Variants in CPED1 observed in about 807,000 individuals in gnomAD.
CPED1 encodes the protein cadherin like and PC-esterase domain containing 1.
CPED1 carries 114 observed loss-of-function variants against 128.2 expected under a neutral mutation model. The observed-to-expected ratio is 0.89, with a 90% CI of 0.76 to 1.04. CPED1 has a LOEUF of 1.04. CPED1 is among the 50% of genes least tolerant of loss of function. CPED1 has a pLI of 0.00. For synonymous variants in CPED1, 462 were observed against 426.7 expected (o/e 1.08, Z -1.02); for missense variants, 1,211 against 1,207.1 (o/e 1.00, Z -0.05).
At chr7:121,278,574 C>A (rs1445665281) in intron 22 of CPED1, among the ~76,000 whole-genome samples, 4 of 152,106 alleles carry the variant, frequency 2.6e-5, no homozygotes, top group Non-Finnish European at 5.9e-5. Flanking sequence ...TAGTTTCAAA[C>A]AGTTCTTTCT....
At chr7:121,010,791 T>C (rs1195327790) in intron 2 of CPED1, among the ~76,000 whole-genome samples, 1 of 152,152 alleles carries the variant, frequency 6.6e-6, no homozygotes, top group African/African-American at 2.4e-5. Context: ...AGAAGTACAC[T>C]AAAGCTTCAT....
intron 5 of CPED1, among the ~76,000 whole-genome samples, chr7:121,095,890 G>A: frequency 6.6e-6 from 1 of 152,080 alleles, no homozygotes; most frequent in East Asian, 1.9e-4. Context: ...CAAGGTAAGA[G>A]GGAAATCAGA....
intron 16 of CPED1, among the ~76,000 whole-genome samples, chr7:121,236,134 A>C (rs552011914): frequency 2.6e-5 from 4 of 152,296 alleles, no homozygotes; most frequent in South Asian, 2.1e-4. Flanking sequence ...TCAGAGATGC[A>C]ATACACTATC....
intron 12 of CPED1, among the ~76,000 whole-genome samples, chr7:121,132,339 C>T (rs576636064): frequency 1.6e-4 from 25 of 152,124 alleles, no homozygotes; most frequent in South Asian, 6.2e-4. Context: ...CAGTACATCA[C>T]GCAGACAGGG....
intron 4 of CPED1, among the ~76,000 whole-genome samples, chr7:121,061,436 ATATT>A (rs1275598598): frequency 1.3e-5 from 2 of 152,232 alleles, no homozygotes; most frequent in East Asian, 1.9e-4. Context: ...AGATCTGTAT[ATATT>A]AAAAATGATA....
At chr7:121,276,380 AC>A (rs1351959437) in intron 22 of CPED1, among the ~76,000 whole-genome samples, 1 of 152,100 alleles carries the variant, frequency 6.6e-6, no homozygotes, top group Non-Finnish European at 1.5e-5. Context: ...TCTTTCTCCT[AC>A]ACTACATTCC....
At chr7:121,117,102 T>TATATAA (rs1795267542) in intron 7 of CPED1, among the ~76,000 whole-genome samples, 1 of 143,076 alleles carries the variant, frequency 7.0e-6, no homozygotes, top group Non-Finnish European at 1.5e-5. Context: ...TATATATAAA[T>TATATAA]ATATATATAT....
At chr7:121,065,236 C>G (rs2721374) in intron 5 of CPED1, among the ~76,000 whole-genome samples, 3 of 152,014 alleles carry the variant, frequency 2.0e-5, no homozygotes, top group African/African-American at 7.3e-5. Flanking sequence ...AAAATAATCT[C>G]AATTCAACTT....
chr7:121,247,616 A>T (rs768436142), intron 18 of CPED1, among the ~76,000 whole-genome samples: 2 of 152,130 alleles, frequency 1.3e-5, no homozygotes, highest in African/African-American at 2.4e-5. Flanking sequence ...TAGATGAGTG[A>T]AGGAACTGTG....
rs1294975360 is a variant in CPED1, at chr7:121,191,920, G to C, written c.2056-44794G>C. ...TAATCAAAGTGTTGTTTGATCTCTT[G>C]TCTAGGTGGCAGGAAACCAAAACAC... On this transcript the variant is annotated intron_variant, in intron 16 of 22. Coordinates refer to ENST00000310396, the MANE Select transcript of CPED1 (RefSeq NM_024913.5). Among the ~76,000 whole-genome samples the C allele has an allele frequency of 2.0e-5, 3 of 151,980 alleles. No individual in the cohort carries two copies. In the East Asian group the frequency reaches 5.8e-4, roughly 29 times the overall value.
intron 4 of CPED1, among the ~76,000 whole-genome samples, chr7:121,062,537 T>A (rs996622677): frequency 7.9e-5 from 12 of 152,220 alleles, no homozygotes; most frequent in African/African-American, 2.9e-4. Context: ...TGAAAGCCCT[T>A]CTTTTTCTAC....
At chr7:121,095,818 T>C (rs568276553) in intron 5 of CPED1, among the ~76,000 whole-genome samples, 1 of 152,278 alleles carries the variant, frequency 6.6e-6, no homozygotes, top group African/African-American at 2.4e-5. Context: ...AAACTTAATA[T>C]GTCTAGCTTC....
At chr7:120,990,734 T>C (rs912598788) in intron 2 of CPED1, among the ~76,000 whole-genome samples, 13 of 152,216 alleles carry the variant, frequency 8.5e-5, no homozygotes, top group African/African-American at 3.1e-4. Flanking sequence ...AATAGAGGGC[T>C]CTGTAAGTAG....
At chr7:121,210,729 G>C (rs1797624091) in intron 16 of CPED1, among the ~76,000 whole-genome samples, 1 of 151,846 alleles carries the variant, frequency 6.6e-6, no homozygotes, top group South Asian at 2.1e-4. Flanking sequence ...GAATGAATAA[G>C]ATCTAGTATT....
intron 2 of CPED1, among the ~76,000 whole-genome samples, chr7:121,009,093 AG>A (rs1266694853): frequency 1.3e-5 from 2 of 151,946 alleles, no homozygotes; most frequent in East Asian, 3.9e-4. Flanking sequence ...TATTATAACT[AG>A]TTGCTTATGT....
chr7:121,014,385 T>C (rs1792243857), intron 2 of CPED1, among the ~76,000 whole-genome samples: 1 of 151,982 alleles, frequency 6.6e-6, no homozygotes, highest in African/African-American at 2.4e-5. Flanking sequence ...ACCCCATCTC[T>C]ACTAAAAATA....
intron 5 of CPED1, among the ~76,000 whole-genome samples, chr7:121,089,310 C>G (rs1299579558): frequency 1.3e-5 from 2 of 152,054 alleles, no homozygotes; most frequent in Non-Finnish European, 2.9e-5. Context: ...TTATAAAAAT[C>G]TTGATATTTT....
chr7:121,235,856 G>T (rs1798241934), intron 16 of CPED1, among the ~76,000 whole-genome samples: 1 of 152,132 alleles, frequency 6.6e-6, no homozygotes, highest in Non-Finnish European at 1.5e-5. Flanking sequence ...GGAAGACCTT[G>T]CTGAGACCTA....
At chr7:121,250,557 A>G (rs542114211) in intron 18 of CPED1, among the ~76,000 whole-genome samples, 39 of 152,336 alleles carry the variant, frequency 2.6e-4, no homozygotes, top group African/African-American at 9.4e-4. Flanking sequence ...AAGATCAACA[A>G]AATTGATAGA....
Sources: gnomAD v4.1 joint callset for allele counts (sites outside exome capture counted in the v4.1 genomes callset) on GRCh38, gnomAD v4.1.1 for gene constraint, MANE v1.5 for transcripts, NCBI Gene and HGNC (gene_info 2026-07-23, HGNC 2026-07-21) for gene names.